The following FRMD4B variants were observed in gnomAD, a reference collection of about 807,000 sequenced individuals.
FRMD4B encodes FERM domain-containing protein 4B.
FRMD4B carries 74 observed loss-of-function variants against 141.5 expected under a neutral mutation model. The observed-to-expected ratio is 0.52, with a 90% confidence interval of 0.43 to 0.63. FRMD4B has a LOEUF of 0.63. Ranked by LOEUF, FRMD4B falls within the 30% of genes least tolerant of loss-of-function variation. The probability of loss-of-function intolerance (pLI) is 0.00; values close to 1 mark genes in which losing one functional copy is unlikely to be tolerated. For missense variants in FRMD4B, 1,366 were observed against 1,253.4 expected, an observed-to-expected ratio of 1.09 and a Z score of -1.36; for synonymous variants, 506 against 467.9, an observed-to-expected ratio of 1.08 and a Z score of -1.05.
intron 19 of FRMD4B, among the ~76,000 whole-genome samples, chr3:69,187,276 T>C (rs1404426393): frequency 1.3e-5 from 2 of 152,020 alleles, no homozygotes; most frequent in African/African-American, 4.8e-5. Flanking sequence ...CCAGGCACGG[T>C]GGCTCAAACT....
intron 1 of FRMD4B, among the ~76,000 whole-genome samples, chr3:69,463,124 C>G (rs540186370): frequency 1.7e-4 from 26 of 152,206 alleles, no homozygotes; most frequent in Non-Finnish European, 3.4e-4. Context: ...TGTGACCCAC[C>G]CTTGCATCCA....
chr3:69,446,622 C>T (rs780094567), intron 1 of FRMD4B, among the ~76,000 whole-genome samples: 5 of 152,158 alleles, frequency 3.3e-5, no homozygotes, highest in Non-Finnish European at 5.9e-5. Context: ...GAGTCACCCG[C>T]GCCAGGCCAT....
At chr3:69,217,811 TTCATC>T (rs1362466119) in intron 10 of FRMD4B, among the ~76,000 whole-genome samples, 1 of 152,164 alleles carries the variant, frequency 6.6e-6, no homozygotes, top group Non-Finnish European at 1.5e-5. Context: ...CCTTAACACT[TTCATC>T]TCATCATCTC....
chr3:69,298,070 C>G (rs961282089), intron 4 of FRMD4B, among the ~76,000 whole-genome samples: 12 of 152,210 alleles, frequency 7.9e-5, no homozygotes, highest in East Asian at 5.8e-4. Context: ...ATTTATTAAC[C>G]CTTCAAATCT....
At chr3:69,288,246 C>G (rs1038133171) in intron 4 of FRMD4B, among the ~76,000 whole-genome samples, 12 of 152,254 alleles carry the variant, frequency 7.9e-5, no homozygotes, top group African/African-American at 2.9e-4. Flanking sequence ...TAACCGAACC[C>G]CAAAGCCTGC....
At chr3:69,298,224 T>C (rs1193156256) in intron 4 of FRMD4B, among the ~76,000 whole-genome samples, 1 of 152,254 alleles carries the variant, frequency 6.6e-6, no homozygotes, top group African/African-American at 2.4e-5. Flanking sequence ...TTTTCATAAA[T>C]GCTACAATAA....
At chr3:69,478,636 A>G (rs1028897679) in intron 1 of FRMD4B, among the ~76,000 whole-genome samples, 4 of 152,162 alleles carry the variant, frequency 2.6e-5, no homozygotes, top group Non-Finnish European at 4.4e-5. Flanking sequence ...TATGTGGTCA[A>G]TTTAGGAATA....
At chr3:69,324,541 C>A (rs1018546664) in intron 1 of FRMD4B, among the ~76,000 whole-genome samples, 1 of 152,198 alleles carries the variant, frequency 6.6e-6, no homozygotes, top group Non-Finnish European at 1.5e-5. Flanking sequence ...GCATCCCTGA[C>A]CTCTACCCAC....
chr3:69,329,308 C>G (rs1246174662), intron 1 of FRMD4B, among the ~76,000 whole-genome samples: 1 of 152,086 alleles, frequency 6.6e-6, no homozygotes, highest in Admixed American at 6.5e-5. Flanking sequence ...ACTTGGCGAA[C>G]AGAGGCCAAC....
At chr3:69,516,340 C>T (rs1025210481) in intron 1 of FRMD4B, among the ~76,000 whole-genome samples, 2 of 152,022 alleles carry the variant, frequency 1.3e-5, no homozygotes, top group Admixed American at 6.6e-5. Context: ...GATCTTAAGA[C>T]GGGGATGTTA....
chr3:69,229,337 C>T (rs1192988018), intron 7 of FRMD4B, among the ~76,000 whole-genome samples: 1 of 152,106 alleles, frequency 6.6e-6, no homozygotes, highest in African/African-American at 2.4e-5. Flanking sequence ...CCCAAAATTA[C>T]ATTCTCAGGG....
intron 3 of FRMD4B, 35 bp from the exon 4 acceptor site, chr3:69,302,470 G>T: frequency 7.7e-7 from 1 of 1,295,444 alleles, no homozygotes; most frequent in Non-Finnish European, 1.1e-6. Context: ...GGATTCAACA[G>T]AAAGTCAGAA....
chr3:69,308,281 C>T (rs1053579441), intron 3 of FRMD4B, among the ~76,000 whole-genome samples: 4 of 152,098 alleles, frequency 2.6e-5, no homozygotes, highest in South Asian at 2.1e-4. Flanking sequence ...TTATGTCCAG[C>T]GTACAGATGA....
intron 16 of FRMD4B, 59 bp from the exon 17 acceptor site, chr3:69,193,932 C>G: frequency 9.5e-7 from 1 of 1,049,694 alleles, no homozygotes; most frequent in South Asian, 1.4e-5. Flanking sequence ...CTCTTACATG[C>G]ATTGTGTAAT....
intron 1 of FRMD4B, among the ~76,000 whole-genome samples, chr3:69,485,177 G>T (rs183152429): frequency 1.0e-3 from 159 of 152,324 alleles, no homozygotes; most frequent in African/African-American, 3.7e-3. Flanking sequence ...GCACTGCTCT[G>T]TGGGTGCACA....
At chr3:69,410,407 TG>T (rs1168755257) in intron 2 of FRMD4B, among the ~76,000 whole-genome samples, 1 of 152,126 alleles carries the variant, frequency 6.6e-6, no homozygotes, top group East Asian at 1.9e-4. Flanking sequence ...TGTGTGAGTA[TG>T]AGTATGAGGG....
intron 11 of FRMD4B, among the ~76,000 whole-genome samples, chr3:69,201,771 T>C (rs1171580268): frequency 1.3e-5 from 2 of 152,200 alleles, no homozygotes; most frequent in Non-Finnish European, 2.9e-5. Flanking sequence ...TGCTGAAAGA[T>C]AGCTCATGCA....
At chr3:69,370,928 T>C (rs982087930) in intron 1 of FRMD4B, among the ~76,000 whole-genome samples, 1 of 152,202 alleles carries the variant, frequency 6.6e-6, no homozygotes, top group Admixed American at 6.5e-5. Context: ...TGAAGCACAT[T>C]TTTGGTTCCA....
chr3:69,286,104 C>T (rs959303903), intron 5 of FRMD4B, among the ~76,000 whole-genome samples: 1 of 152,162 alleles, frequency 6.6e-6, no homozygotes, highest in Non-Finnish European at 1.5e-5. Context: ...CAGGTACAAG[C>T]TGAAGGAATT....
Sources: allele counts gnomAD v4.1 joint callset (sites outside exome capture counted in the v4.1 genomes callset), GRCh38; gene constraint gnomAD v4.1.1; transcripts MANE v1.5; gene names NCBI Gene and HGNC (gene_info 2026-07-23, HGNC 2026-07-21).